The following NRG3 variants were observed in gnomAD, a reference collection of about 807,000 sequenced individuals.
The protein encoded by NRG3 is pro-neuregulin-3, membrane-bound isoform.
A neutral mutation model predicts 66.9 loss-of-function variants in NRG3; 31 were observed. The ratio of observed to expected loss-of-function variants is 0.46; its 90% CI spans 0.35 to 0.63. NRG3 has a LOEUF of 0.63. NRG3 is among the 20% of genes least tolerant of loss of function. NRG3 has a pLI of 0.00. For synonymous variants in NRG3, 393 were observed against 359.4 expected (o/e 1.09, Z -1.06); for missense variants, 910 against 878.9 (o/e 1.04, Z -0.45).
intron 1 of NRG3, among the ~76,000 whole-genome samples, chr10:82,089,040 A>C (rs1047945919): frequency 6.6e-6 from 1 of 152,080 alleles, no homozygotes; most frequent in African/African-American, 2.4e-5. Flanking sequence ...GAAATGTCAA[A>C]TGATGAAAAT....
chr10:82,930,218 A>T (rs897881488), intron 4 of NRG3, among the ~76,000 whole-genome samples: 1 of 152,202 alleles, frequency 6.6e-6, no homozygotes, highest in Non-Finnish European at 1.5e-5. Context: ...CCTGCACACC[A>T]GTTTTTTATT....
At chr10:82,467,476 C>G (rs113103178) in intron 2 of NRG3, among the ~76,000 whole-genome samples, 231 of 152,266 alleles carry the variant, frequency 1.5e-3, no homozygotes, top group African/African-American at 5.4e-3. Flanking sequence ...AGACAATTTG[C>G]AGTCCTGGAA....
At chr10:82,879,108 AT>A (rs1261191448) in intron 4 of NRG3, among the ~76,000 whole-genome samples, 4 of 152,286 alleles carry the variant, frequency 2.6e-5, no homozygotes, top group Middle Eastern at 6.8e-3. Flanking sequence ...TCTCCACTGC[AT>A]TTATTAAAAT....
At chr10:82,470,970 G>A (rs758534524) in intron 2 of NRG3, among the ~76,000 whole-genome samples, 21 of 152,142 alleles carry the variant, frequency 1.4e-4, no homozygotes, top group South Asian at 1.2e-3. Context: ...CTGGTTCTGC[G>A]GCTGTCTTTC....
intron 1 of NRG3, among the ~76,000 whole-genome samples, chr10:81,987,997 A>G (rs2060589969): frequency 6.6e-6 from 1 of 152,184 alleles, no homozygotes; most frequent in South Asian, 2.1e-4. Flanking sequence ...CTTTTTGGTT[A>G]TTGTTGGAGA....
chr10:82,277,027 G>A lies in NRG3; in HGVS notation c.824-81712G>A, dbSNP rs185482535. The stretch of plus-strand genomic sequence containing the variant: ...ATTTTTCTCCCTCATTATTGAAGAC[G>A]ATGTTACCATACAACTGAGATGGTT... On this transcript the variant is annotated intron_variant, in intron 1 of 8. Transcript: ENST00000372141. 1.1e-4 allele frequency among the ~76,000 whole-genome samples: 16 copies of A among 152,042 alleles called. 1 individual carries two copies. The East Asian group carries it at 2.9e-3, about 28-fold the overall frequency.
intron 2 of NRG3, among the ~76,000 whole-genome samples, chr10:82,482,955 A>G (rs1842400543): frequency 6.6e-6 from 1 of 152,200 alleles, no homozygotes; most frequent in African/African-American, 2.4e-5. Flanking sequence ...GTAGACAAGC[A>G]TCAAGTTTAC....
At chr10:82,381,704 C>G (rs904429873) in intron 2 of NRG3, among the ~76,000 whole-genome samples, 1 of 152,076 alleles carries the variant, frequency 6.6e-6, no homozygotes, top group Non-Finnish European at 1.5e-5. Flanking sequence ...GGTTGGGAGA[C>G]TTTATCACAC....
intron 1 of NRG3, among the ~76,000 whole-genome samples, chr10:82,248,410 A>G (rs947267575): frequency 3.9e-5 from 6 of 151,978 alleles, no homozygotes; most frequent in Non-Finnish European, 8.8e-5. Context: ...TTTCTCACCA[A>G]GATGTTGAAC....
At chr10:82,063,509 G>A (rs1376800921) in intron 1 of NRG3, among the ~76,000 whole-genome samples, 2 of 28,242 alleles carry the variant, frequency 7.1e-5, no homozygotes, top group Non-Finnish European at 1.1e-4. Context: ...GGCAGGAAAA[G>A]ATCTTTTTTT....
At position 82,761,916 on chromosome 10, in the gene NRG3, T is replaced by TCTTTC. The variant is rs1162697943; in HGVS notation, c.1027+23266_1027+23267insCTTTC. 4.3e-3 allele frequency among the ~76,000 whole-genome samples: 574 copies of TCTTTC among 132,854 alleles called. 5 individuals are homozygous for TCTTTC. Among genetic ancestry groups the TCTTTC allele is most frequent in the African/African-American group, 0.015 (422 of 29,092 alleles). The allele number at this position is 132,854 out of a possible 152,430, so 87.2% of individuals were successfully genotyped here. ...CTTCCTTCCGTTCTTTCTTCTTTCT[T>TCTTTC]TCTTTCTCTTTCTTTCTTTCTTTCT... On this transcript the variant is annotated intron_variant, in intron 3 of 8. Transcript: ENST00000372141.
chr10:82,839,002 C>G (rs561836943), intron 3 of NRG3, among the ~76,000 whole-genome samples: 1 of 152,236 alleles, frequency 6.6e-6, no homozygotes, highest in African/African-American at 2.4e-5. Flanking sequence ...TCTTGTGAGA[C>G]TTATTCACTA....
At chr10:82,029,071 T>C (rs1030680392) in intron 1 of NRG3, among the ~76,000 whole-genome samples, 1 of 151,984 alleles carries the variant, frequency 6.6e-6, no homozygotes, top group Non-Finnish European at 1.5e-5. Flanking sequence ...TAGCCAGGCA[T>C]GGTCGTGGGC....
chr10:82,614,026 A>T (rs944237221), intron 2 of NRG3, among the ~76,000 whole-genome samples: 1 of 151,930 alleles, frequency 6.6e-6, no homozygotes, highest in East Asian at 1.9e-4. Context: ...CAGCCTCCCA[A>T]GTAGCTGGGC....
At chr10:82,823,519 T>C (rs1431111644) in intron 3 of NRG3, among the ~76,000 whole-genome samples, 4 of 152,160 alleles carry the variant, frequency 2.6e-5, no homozygotes, top group Non-Finnish European at 2.9e-5. Context: ...GAGACTGTTA[T>C]GTGGTCAGAA....
rs186243102 is a variant in NRG3 at position 82,547,782 on chromosome 10, G to A, written c.953+188914G>A. On this transcript the variant is annotated intron_variant, in intron 2 of 8. Coordinates refer to ENST00000372141, the MANE Select transcript of NRG3 (RefSeq NM_001010848.4). ...ACATGGATGTTTTTGAACAGTCAGG[G>A]AAGTTATAGATCCATGGTCAGTATT... Among the ~76,000 whole-genome samples, 3 of 152,186 alleles carry A rather than the reference G, an allele frequency of 2.0e-5. No homozygotes were observed. In the East Asian group the frequency reaches 5.8e-4, roughly 29 times the overall value.
rs767911246 is a variant in NRG3, at chr10:82,986,776, A to G, written c.*1171A>G. ...TCATGCCTACTTAAATTATTAATAC[A>G]AGACAATTAACAAATTGACAGTTAC... On this transcript the variant is annotated 3_prime_UTR_variant, in exon 9 of 9. Transcript: ENST00000372141. 16 of 152,214 alleles carry G rather than the reference A, an allele frequency of 1.1e-4. No individual in the cohort carries two copies. The highest frequency in any genetic ancestry group is 1.0e-3 in the Admixed American group (16 of 15,284). The allele number at this position is 152,214 out of a possible 1,614,324, so 9.4% of individuals were successfully genotyped here.
intron 1 of NRG3, among the ~76,000 whole-genome samples, chr10:82,090,460 T>C (rs1339669738): frequency 1.3e-5 from 2 of 152,218 alleles, no homozygotes; most frequent in Non-Finnish European, 2.9e-5. Context: ...TTTTACTAAA[T>C]TTGAGAAAAG....
chr10:82,951,429 C>A (rs1208687682), intron 4 of NRG3, 40 bp from the exon 5 acceptor site: 2 of 1,497,438 alleles, frequency 1.3e-6, no homozygotes, highest in South Asian at 1.1e-5. Flanking sequence ...CTGATGCACC[C>A]CGCTAGCATC....
Sources: allele counts gnomAD v4.1 joint callset (sites outside exome capture counted in the v4.1 genomes callset), GRCh38; gene constraint gnomAD v4.1.1; transcripts MANE v1.5; gene names NCBI Gene and HGNC (gene_info 2026-07-23, HGNC 2026-07-21).